PPIP5K1: variants seen among roughly 807,000 people sequenced by gnomAD.
The protein encoded by PPIP5K1 is diphosphoinositol pentakisphosphate kinase 1.
A neutral mutation model predicts 27.7 loss-of-function variants in PPIP5K1; 6 were observed. The ratio of observed to expected loss-of-function variants is 0.22; its 90% CI spans 0.12 to 0.43. PPIP5K1 has a LOEUF of 0.43. PPIP5K1 is among the 20% of genes least tolerant of loss of function. PPIP5K1 has a pLI of 1.00. For missense variants in PPIP5K1, 394 were observed against 635.4 expected (o/e 0.62, Z 4.08); for synonymous variants, 145 against 242.6 (o/e 0.60, Z 3.74).
chr15:43,557,826 A>T (rs1057161706), intron 30 of PPIP5K1, among the ~76,000 whole-genome samples: 12 of 142,482 alleles, frequency 8.4e-5, no homozygotes, highest in African/African-American at 3.1e-4. Context: ...CACCATGCAT[A>T]GCCTTTTTTT....
At chr15:43,542,054 T>G (rs1836694614) in intron 30 of PPIP5K1, among the ~76,000 whole-genome samples, 1 of 152,178 alleles carries the variant, frequency 6.6e-6, no homozygotes, top group African/African-American at 2.4e-5. Context: ...ATTGTGAAGC[T>G]TTCCCCTTCT....
chr15:43,558,754 T>C (rs1282167673), intron 30 of PPIP5K1, 41 bp downstream of exon 30: 1 of 1,609,634 alleles, frequency 6.2e-7, no homozygotes, highest in Admixed American at 1.7e-5. Flanking sequence ...AGCATGGGCA[T>C]GGGGGCAGAG....
chr15:43,547,722 G>A (rs1053441551), intron 30 of PPIP5K1, among the ~76,000 whole-genome samples: 1 of 152,124 alleles, frequency 6.6e-6, no homozygotes, highest in Non-Finnish European at 1.5e-5. Flanking sequence ...TATACTTACA[G>A]CAATACCACA....
intron 30 of PPIP5K1, among the ~76,000 whole-genome samples, chr15:43,545,473 TC>T (rs2081260158): frequency 2.0e-5 from 3 of 150,028 alleles, no homozygotes; most frequent in African/African-American, 7.4e-5. Context: ...TCTGTACACT[TC>T]TTTTTTTTTT....
intron 30 of PPIP5K1, among the ~76,000 whole-genome samples, chr15:43,549,819 A>C (rs2081968086): frequency 6.6e-6 from 1 of 152,136 alleles, no homozygotes. Context: ...AAAAATACAA[A>C]AATTAGCTGG....
rs35153209 is a variant in PPIP5K1, at chr15:43,551,977, A to ATT, written c.3556+6816_3556+6817dup. On this transcript the variant is annotated intron_variant, in intron 30 of 31. Coordinates refer to ENST00000420765, the MANE Select transcript of PPIP5K1 (RefSeq NM_001394395.1). ...GTATAAATTAGATTATTGATTTCAG[A>ATT]TTTTTTTTTTTTTTGAGACAGGCTG... Among the ~76,000 whole-genome samples, 392 of 144,832 alleles carry ATT rather than the reference A, an allele frequency of 2.7e-3. 5 individuals carry two copies. Among genetic ancestry groups the ATT allele is most frequent in the African/African-American group, 8.0e-3 (318 of 39,576 alleles).
chr15:43,555,579 C>A (rs552646422), intron 30 of PPIP5K1, among the ~76,000 whole-genome samples: 5 of 152,018 alleles, frequency 3.3e-5, no homozygotes, highest in African/African-American at 1.2e-4. Context: ...AGCCACCATG[C>A]CTGGCTGAAT....
intron 30 of PPIP5K1, among the ~76,000 whole-genome samples, chr15:43,553,899 C>A (rs1443066579): frequency 3.3e-5 from 5 of 152,158 alleles, no homozygotes; most frequent in Non-Finnish European, 7.3e-5. Context: ...CCCGCCTCAG[C>A]CTCCCAAAGT....
At chr15:43,537,724 GAGAGAGA>G (rs1252519393) in intron 31 of PPIP5K1, among the ~76,000 whole-genome samples, 27 of 147,646 alleles carry the variant, frequency 1.8e-4, no homozygotes, top group African/African-American at 6.3e-4. Flanking sequence ...GAGAGAGAGA[GAGAGAGA>G]AGATCATGGT....
intron 31 of PPIP5K1, among the ~76,000 whole-genome samples, chr15:43,539,209 AAAC>A (rs2080338178): frequency 2.6e-5 from 4 of 151,946 alleles, no homozygotes. Context: ...CAAAAAAAAA[AAAC>A]AATTATTCCT....
chr15:43,540,480 C>T (rs1000486287), intron 30 of PPIP5K1, among the ~76,000 whole-genome samples: 11 of 151,642 alleles, frequency 7.3e-5, no homozygotes, highest in East Asian at 2.0e-4. Context: ...AGGCAGATCA[C>T]GAGGTCAGGA....
intron 30 of PPIP5K1, among the ~76,000 whole-genome samples, chr15:43,554,421 T>G (rs925367399): frequency 1.3e-5 from 2 of 152,158 alleles, no homozygotes; most frequent in African/African-American, 2.4e-5. Flanking sequence ...TAACTAAGAC[T>G]GCAGGTATGC....
intron 10 of PPIP5K1, among the ~76,000 whole-genome samples, chr15:43,579,670 T>A (rs1209925381): frequency 1.3e-4 from 7 of 52,576 alleles, no homozygotes; most frequent in East Asian, 1.5e-3. Context: ...TTTTTTTTTT[T>A]TTTTTTTTTG....
Position 43,534,825 on chromosome 15 carries a change from T to C in PPIP5K1, c.4322A>G (p.Gln1441Arg), listed in dbSNP as rs375331113. ...CCTGCCAACCTCCACAGAGAACTCC[T>C]GGTATGGCTGGATGACCTCCTCAGG... ...EIPEEVIQPY[Q>R]EFSVEVGRLA... Residue 1441 changes from glutamine (Q) to arginine (R), a missense_variant, in exon 32 of 32, where the codon CAG becomes CGG. Coordinates refer to ENST00000420765, the MANE Select transcript of PPIP5K1 (RefSeq NM_001394395.1). 6.2e-7 allele frequency: 1 copy of C among 1,611,398 alleles called. No homozygotes were observed. Among genetic ancestry groups the C allele is most frequent in the Non-Finnish European group, 8.5e-7 (1 of 1,178,396 alleles).
chr15:43,545,562 C>T (rs921705536), intron 30 of PPIP5K1, among the ~76,000 whole-genome samples: 1 of 150,578 alleles, frequency 6.6e-6, no homozygotes, highest in South Asian at 2.1e-4. Context: ...ACTCCATCCT[C>T]GAACTCCTGG....
chr15:43,545,962 C>T (rs1056369204), intron 30 of PPIP5K1, among the ~76,000 whole-genome samples: 3 of 151,834 alleles, frequency 2.0e-5, no homozygotes, highest in Non-Finnish European at 4.4e-5. Context: ...TATGGAGCAG[C>T]CATTCTTTTA....
rs528593640 is a variant in PPIP5K1, at chr15:43,550,988, C to T, written c.3556+7807G>A. On this transcript the variant is annotated intron_variant, in intron 30 of 31. Coordinates refer to ENST00000420765, the MANE Select transcript of PPIP5K1 (RefSeq NM_001394395.1). ...GTGTATAATTCTTTTATTGTGCTGT[C>T]GGATTTGGTTTGCTAGCATTTTGTT... is the stretch of plus-strand genomic sequence containing the variant. 1.2e-3 allele frequency among the ~76,000 whole-genome samples: 179 copies of T among 152,158 alleles called. 3 individuals carry two copies. In the South Asian group the frequency reaches 0.036, roughly 30 times the overall value.
intron 30 of PPIP5K1, among the ~76,000 whole-genome samples, chr15:43,549,044 AAAAAAAAAAAAAATATATATAT>A (rs1340279419): frequency 0.015 from 1,410 of 92,508 alleles, 45 homozygotes; most frequent in African/African-American, 0.047. Context: ...AAAAAAAAAA[AAAAAAAAAAAAAATATATATAT>A]ATATATATAT....
At chr15:43,541,280 T>C (rs2080665924) in intron 30 of PPIP5K1, among the ~76,000 whole-genome samples, 1 of 152,110 alleles carries the variant, frequency 6.6e-6, no homozygotes, top group African/African-American at 2.4e-5. Context: ...TCCTGGCTAA[T>C]TTTTTGTATT....
Sources: gnomAD v4.1 joint callset for allele counts (sites outside exome capture counted in the v4.1 genomes callset) on GRCh38, gnomAD v4.1.1 for gene constraint, MANE v1.5 for transcripts, NCBI Gene and HGNC (gene_info 2026-07-23, HGNC 2026-07-21) for gene names.